RBFOX1: variants seen among roughly 807,000 people sequenced by gnomAD.
The protein encoded by RBFOX1 is RNA binding protein fox-1 homolog 1.
A neutral mutation model predicts 57.7 loss-of-function variants in RBFOX1; 8 were observed. The observed-to-expected ratio is 0.14, with a 90% CI of 0.08 to 0.25. RBFOX1 has a LOEUF of 0.25. RBFOX1 is among the 10% of genes least tolerant of loss of function. The pLI, the probability that RBFOX1 is intolerant of heterozygous loss-of-function variation, is 1.00. For missense variants in RBFOX1, 611 were observed against 548.5 expected (o/e 1.11, Z -1.14); for synonymous variants, 326 against 222.4 (o/e 1.47, Z -4.15).
rs7201681 is a variant in RBFOX1, at chr16:5,731,110, T to A, written c.318+132149T>A. On this transcript the variant is annotated intron_variant, in intron 3 of 19. Transcript: ENST00000641259. ...ATCAACATCATTGTCCTCATAAATA[T>A]CACCATCATCACTGTCATCAACAGC... is the stretch of plus-strand genomic sequence containing the variant. Among the ~76,000 whole-genome samples, 1,066 of 152,142 alleles carry A rather than the reference T, an allele frequency of 7.0e-3. 7 individuals are homozygous for A. The highest frequency in any genetic ancestry group is 0.024 in the African/African-American group (989 of 41,506).
chr16:6,284,036 C>G (rs112632681), intron 1 of RBFOX1, among the ~76,000 whole-genome samples: 1 of 152,140 alleles, frequency 6.6e-6, no homozygotes, highest in Non-Finnish European at 1.5e-5. Context: ...AGAGAAAGGG[C>G]TTTGCCTGTG....
At chr16:7,027,005 T>C (rs2041159057) in intron 3 of RBFOX1, among the ~76,000 whole-genome samples, 1 of 152,098 alleles carries the variant, frequency 6.6e-6, no homozygotes, top group South Asian at 2.1e-4. Context: ...GGTTTAGCTG[T>C]GCTGCAGCCA....
At chr16:5,962,373 C>T (rs751763251) in intron 4 of RBFOX1, among the ~76,000 whole-genome samples, 1 of 152,140 alleles carries the variant, frequency 6.6e-6, no homozygotes, top group Non-Finnish European at 1.5e-5. Flanking sequence ...CATCCCAGTC[C>T]CTAGATATGA....
At chr16:7,434,315 C>A (rs913441303) in intron 4 of RBFOX1, among the ~76,000 whole-genome samples, 6 of 151,790 alleles carry the variant, frequency 4.0e-5, no homozygotes, top group African/African-American at 1.2e-4. Context: ...ACTAAAAATA[C>A]AAAAAAATTA....
rs1420705867 is a variant in RBFOX1 at position 5,454,970 on chromosome 16, T to C, written c.220-12246T>C. On this transcript the variant is annotated intron_variant, in intron 1 of 2. Coordinates refer to the RBFOX1 transcript ENST00000585867. The stretch of plus-strand genomic sequence containing the variant: ...TCCTTCCTTCCTTCCTTTCTTTCTT[T>C]CTTTCTTTCTTTCTTTCTTTCTTTC... Among the ~76,000 whole-genome samples, 644 of 68,148 alleles carry C rather than the reference T, an allele frequency of 9.5e-3. 2 individuals carry two copies. Among genetic ancestry groups the C allele is most frequent in the Non-Finnish European group, 0.015 (465 of 31,104 alleles). The allele number at this position is 68,148 out of a possible 152,430, so 44.7% of individuals were successfully genotyped here.
At chr16:5,654,986 G>A (rs1439036807) in intron 3 of RBFOX1, among the ~76,000 whole-genome samples, 5 of 152,106 alleles carry the variant, frequency 3.3e-5, no homozygotes, top group African/African-American at 4.8e-5. Context: ...TGGATTATAC[G>A]TTGCATTGCC....
At chr16:5,859,925 C>T (rs1463599108) in intron 3 of RBFOX1, among the ~76,000 whole-genome samples, 1 of 152,172 alleles carries the variant, frequency 6.6e-6, no homozygotes, top group Non-Finnish European at 1.5e-5. Context: ...TTGACTGGCA[C>T]ATTGGTCAGG....
chr16:7,678,102 T>C (rs1597883126), intron 14 of RBFOX1, among the ~76,000 whole-genome samples: 1 of 152,232 alleles, frequency 6.6e-6, no homozygotes, highest in East Asian at 1.9e-4. Flanking sequence ...GGAGTTGAGA[T>C]CTGCTATCTG....
chr16:6,562,622 G>A (rs1219294155), intron 2 of RBFOX1, among the ~76,000 whole-genome samples: 5 of 152,166 alleles, frequency 3.3e-5, no homozygotes, highest in Non-Finnish European at 7.3e-5. Context: ...CATCTTGCAT[G>A]TACTAATAAA....
downstream of RBFOX1, among the ~76,000 whole-genome samples, chr16:5,601,845 C>A (rs191672902): frequency 9.2e-5 from 14 of 152,264 alleles, no homozygotes; most frequent in East Asian, 2.7e-3. Flanking sequence ...GCTCCATTTC[C>A]CCAGTGCTTA....
intron 2 of RBFOX1, among the ~76,000 whole-genome samples, chr16:5,500,850 T>G (rs920586856): frequency 3.9e-5 from 6 of 152,204 alleles, no homozygotes; most frequent in Non-Finnish European, 8.8e-5. Flanking sequence ...GCCTTTCAGA[T>G]TATAGCTTTT....
chr16:5,644,858 C>T (rs1034374903), intron 3 of RBFOX1, among the ~76,000 whole-genome samples: 7 of 152,204 alleles, frequency 4.6e-5, no homozygotes, highest in African/African-American at 1.7e-4. Flanking sequence ...CGTTCATGTG[C>T]GAGTTTTTGT....
chr16:5,840,819 G>T (rs557000181), intron 3 of RBFOX1, among the ~76,000 whole-genome samples: 1 of 152,062 alleles, frequency 6.6e-6, no homozygotes, highest in Non-Finnish European at 1.5e-5. Flanking sequence ...AAAACCTAGG[G>T]GAACCACTCT....
intron 1 of RBFOX1, among the ~76,000 whole-genome samples, chr16:5,351,706 G>C (rs113344349): frequency 6.6e-5 from 10 of 152,174 alleles, no homozygotes; most frequent in African/African-American, 2.4e-4. Context: ...ATTCAGGTTG[G>C]ACCCTTGATA....
At chr16:6,865,796 G>A (rs536857307) in intron 3 of RBFOX1, among the ~76,000 whole-genome samples, 1 of 152,148 alleles carries the variant, frequency 6.6e-6, no homozygotes, top group Non-Finnish European at 1.5e-5. Flanking sequence ...AGCAGTATTA[G>A]ATAACAGTTG....
intron 3 of RBFOX1, among the ~76,000 whole-genome samples, chr16:6,923,957 G>A (rs752852984): frequency 6.6e-6 from 1 of 152,040 alleles, no homozygotes. Flanking sequence ...ATCACCTGAA[G>A]TTAGGAGTTT....
chr16:5,919,078 T>G (rs1450224422), intron 4 of RBFOX1, among the ~76,000 whole-genome samples: 1 of 152,160 alleles, frequency 6.6e-6, no homozygotes, highest in Non-Finnish European at 1.5e-5. Context: ...CTGAGGCAGT[T>G]TCAGCCTATC....
intron 4 of RBFOX1, among the ~76,000 whole-genome samples, chr16:5,943,862 C>G (rs976971001): frequency 2.6e-5 from 4 of 152,004 alleles, no homozygotes; most frequent in Non-Finnish European, 4.4e-5. Context: ...TTCATCCACT[C>G]ATCCATTAAT....
intron 1 of RBFOX1, among the ~76,000 whole-genome samples, chr16:6,098,080 A>C (rs1163334288): frequency 6.6e-6 from 1 of 152,150 alleles, no homozygotes; most frequent in Non-Finnish European, 1.5e-5. Context: ...AGAAGTGTGC[A>C]TGTACTTGAG....
Sources: allele counts gnomAD v4.1 joint callset (sites outside exome capture counted in the v4.1 genomes callset), GRCh38; gene constraint gnomAD v4.1.1; transcripts MANE v1.5; gene names NCBI Gene and HGNC (gene_info 2026-07-23, HGNC 2026-07-21).